The following SRBD1 variants were observed in gnomAD, a reference collection of about 807,000 sequenced individuals.
The protein encoded by SRBD1 is S1 RNA binding domain 1.
SRBD1 carries 88 observed loss-of-function variants against 115.3 expected under a neutral mutation model. The observed-to-expected ratio is 0.76, with a 90% CI of 0.64 to 0.91. The LOEUF (loss-of-function observed/expected upper bound fraction) is 0.91. SRBD1 is among the 40% of genes least tolerant of loss of function. SRBD1 has a pLI of 0.00. For synonymous variants in SRBD1, 509 were observed against 407.7 expected, an observed-to-expected ratio of 1.25 and a Z score of -2.99; for missense variants, 1,385 against 1,177.4, an observed-to-expected ratio of 1.18 and a Z score of -2.58.
Position 45,418,518 on chromosome 2 carries a change from T to C in SRBD1, c.2180A>G (p.Asn727Ser), listed in dbSNP as rs1406493564. The C allele has an allele frequency of 2.5e-6, 4 of 1,613,674 alleles. No homozygotes were observed. Among genetic ancestry groups the C allele is most frequent in the Admixed American group, 3.3e-5 (2 of 59,944 alleles). ...CCATTCAATAATATTTTTGGCCCTG[T>C]TGGCATTGAGTCCTGCAATATGCCT... ...LLRHIAGLNANRAKNIIEWRE... is the reference protein window; with the variant it reads ...LLRHIAGLNASRAKNIIEWRE... Residue 727 changes from asparagine to serine, a missense_variant, in exon 18 of 21, where the codon AAC becomes AGC. Physicochemically the swap from Asn to Ser is conservative, Grantham distance 46 (BLOSUM62 1). Transcript: ENST00000263736.
At chr2:45,450,360 G>A in intron 16 of SRBD1, among the ~76,000 whole-genome samples, 1 of 152,068 alleles carries the variant, frequency 6.6e-6, no homozygotes, top group South Asian at 2.1e-4. Context: ...GTATAATTGA[G>A]TAAATGAATG....
chr2:45,494,302 A>G (rs965405813), intron 14 of SRBD1, among the ~76,000 whole-genome samples: 5 of 152,136 alleles, frequency 3.3e-5, no homozygotes, highest in African/African-American at 1.2e-4. Flanking sequence ...TGTAATACTC[A>G]TATGTAATCA....
intron 14 of SRBD1, among the ~76,000 whole-genome samples, chr2:45,491,127 C>A (rs145185993): frequency 6.6e-6 from 1 of 152,122 alleles, no homozygotes; most frequent in Non-Finnish European, 1.5e-5. Flanking sequence ...TTAATACCCT[C>A]CCTTTTTCAT....
Position 45,476,501 on chromosome 2 carries a change from T to G in SRBD1, c.2049+492A>C, listed in dbSNP as rs909565950. Among the ~76,000 whole-genome samples the G allele has an allele frequency of 2.6e-5, 4 of 152,204 alleles. 1 individual carries two copies. Among genetic ancestry groups the G allele is most frequent in the African/African-American group, 7.2e-5 (3 of 41,460 alleles). On this transcript the variant is annotated intron_variant, in intron 16 of 20. Coordinates refer to ENST00000263736, the MANE Select transcript of SRBD1 (RefSeq NM_018079.5). Reference sequence around the variant, plus strand: ...ACCATAAATTCACTCTGCCAAGGTTTAGTGCTGTCTTGAATTGCCCAATGA... The same window carrying G: ...ACCATAAATTCACTCTGCCAAGGTTGAGTGCTGTCTTGAATTGCCCAATGA...
rs74435291 is a variant in SRBD1 at position 45,423,611 on chromosome 2, C to G, written c.2050-3717G>C. 7.0e-3 allele frequency among the ~76,000 whole-genome samples: 1,058 copies of G among 152,170 alleles called. 16 individuals are homozygous for G. The highest frequency in any genetic ancestry group is 0.024 in the African/African-American group (1,008 of 41,556). The stretch of plus-strand genomic sequence containing the variant: ...AACCATACAGTTTCATTGGTGAATT[C>G]TACCAAACATTTGAAGAACACCAAT... On this transcript the variant is annotated intron_variant, in intron 16 of 20. Transcript: ENST00000263736.
At chr2:45,596,449 T>A (rs1673897508) in intron 4 of SRBD1, among the ~76,000 whole-genome samples, 1 of 152,216 alleles carries the variant, frequency 6.6e-6, no homozygotes, top group African/African-American at 2.4e-5. Context: ...AGCTCTGAAA[T>A]CACCTTCAGT....
At chr2:45,561,669 A>G (rs544075473) in intron 10 of SRBD1, among the ~76,000 whole-genome samples, 1 of 152,306 alleles carries the variant, frequency 6.6e-6, no homozygotes, top group East Asian at 1.9e-4. Context: ...TGGCTACAAA[A>G]TCTGCTCTAC....
At chr2:45,400,939 C>T (rs1667276868) in intron 19 of SRBD1, among the ~76,000 whole-genome samples, 1 of 152,130 alleles carries the variant, frequency 6.6e-6, no homozygotes, top group South Asian at 2.1e-4. Context: ...CTTGATCTTC[C>T]TAGTTTCCTC....
At chr2:45,553,824 G>A (rs1672383532) in intron 10 of SRBD1, 94 bp from the exon 11 acceptor site, 3 of 628,258 alleles carry the variant, frequency 4.8e-6, no homozygotes, top group Non-Finnish European at 7.7e-6. Flanking sequence ...ATACAGAAGC[G>A]GGGAAAACCT....
intron 14 of SRBD1, among the ~76,000 whole-genome samples, chr2:45,516,853 G>C (rs1671135375): frequency 6.6e-6 from 1 of 152,118 alleles, no homozygotes; most frequent in Non-Finnish European, 1.5e-5. Flanking sequence ...CATAGGTTCT[G>C]GTTAACACAG....
chr2:45,503,941 T>C lies in SRBD1; in HGVS notation c.1875-15610A>G, dbSNP rs998500039. ...GTTAAAAGATAAAGAAAGTTTAAAT[T>C]TGCAACAAGAATCCTTCTTTATATA... On this transcript the variant is annotated intron_variant, in intron 14 of 20. Transcript: ENST00000263736. Among the ~76,000 whole-genome samples, 8 of 152,220 alleles carry C rather than the reference T, an allele frequency of 5.3e-5. No individual in the cohort carries two copies. In the South Asian group the frequency reaches 8.3e-4, roughly 16 times the overall value.
chr2:45,527,840 A>C (rs1367775606), intron 14 of SRBD1, among the ~76,000 whole-genome samples: 1 of 151,796 alleles, frequency 6.6e-6, no homozygotes, highest in Non-Finnish European at 1.5e-5. Context: ...GAAAACTTCC[A>C]CCTAACACAT....
At chr2:45,559,899 G>A (rs1322982550) in intron 10 of SRBD1, among the ~76,000 whole-genome samples, 1 of 151,948 alleles carries the variant, frequency 6.6e-6, no homozygotes, top group African/African-American at 2.4e-5. Context: ...TGGGAAATAT[G>A]GCAAAACCCC....
intron 14 of SRBD1, among the ~76,000 whole-genome samples, chr2:45,498,437 TA>T (rs1415229357): frequency 6.6e-6 from 1 of 152,192 alleles, no homozygotes; most frequent in Non-Finnish European, 1.5e-5. Context: ...CTGTTATACA[TA>T]TTTTTGGGGT....
At chr2:45,441,838 A>G (rs1311064514) in intron 16 of SRBD1, among the ~76,000 whole-genome samples, 1 of 152,212 alleles carries the variant, frequency 6.6e-6, no homozygotes, top group Non-Finnish European at 1.5e-5. Context: ...CAGAAATTTT[A>G]AAGTGAAATT....
At chr2:45,538,254 T>C (rs1671826877) in intron 14 of SRBD1, among the ~76,000 whole-genome samples, 1 of 152,178 alleles carries the variant, frequency 6.6e-6, no homozygotes, top group African/African-American at 2.4e-5. Context: ...GCAATTGTAT[T>C]TGGGCCACCC....
chr2:45,546,064 C>A (rs1190180803), intron 14 of SRBD1: 9 of 701,314 alleles, frequency 1.3e-5, no homozygotes, highest in Non-Finnish European at 1.6e-5. Context: ...AGAATTAAAT[C>A]CTTTAGGACT....
chr2:45,575,114 T>C (rs1291797381), intron 7 of SRBD1, among the ~76,000 whole-genome samples: 1 of 152,176 alleles, frequency 6.6e-6, no homozygotes, highest in Admixed American at 6.5e-5. Context: ...AAAGATGTTA[T>C]GGGAAATATA....
chr2:45,421,383 T>A (rs1325464488), intron 16 of SRBD1, among the ~76,000 whole-genome samples: 1 of 151,354 alleles, frequency 6.6e-6, no homozygotes, highest in Admixed American at 6.6e-5. Context: ...GGCGGACACC[T>A]GTAGTCCCAG....
Sources: gnomAD v4.1 joint callset for allele counts (sites outside exome capture counted in the v4.1 genomes callset) on GRCh38, gnomAD v4.1.1 for gene constraint, MANE v1.5 for transcripts, NCBI Gene and HGNC (gene_info 2026-07-23, HGNC 2026-07-21) for gene names.